The following KLRG1 variants were observed in gnomAD, a reference collection of about 807,000 sequenced individuals.
KLRG1 encodes the protein killer cell lectin-like receptor subfamily G member 1.
Under a neutral mutation model 21.8 loss-of-function variants are expected in KLRG1, and 16 were observed. The observed-to-expected ratio is 0.73, with a 90% CI of 0.50 to 1.11. KLRG1 has a LOEUF of 1.11. Among genes scored for constraint, KLRG1 ranks in the 50% most tolerant of loss-of-function variants. The probability of loss-of-function intolerance (pLI) is 0.00; values close to 1 mark genes in which losing one functional copy is unlikely to be tolerated. For missense variants in KLRG1, 173 were observed against 218.3 expected, an observed-to-expected ratio of 0.79 and a Z score of 1.31; for synonymous variants, 69 against 75.9, an observed-to-expected ratio of 0.91 and a Z score of 0.47.
chr12:9,203,598 C>G, the KLRG1 span, among the ~76,000 whole-genome samples: 1 of 152,212 alleles, frequency 6.6e-6, no homozygotes, highest in South Asian at 2.1e-4. Flanking sequence ...GCCTTGGCTT[C>G]CCAAAGTGCT....
the KLRG1 span, among the ~76,000 whole-genome samples, chr12:9,047,667 CTG>C: frequency 6.6e-6 from 1 of 151,944 alleles, no homozygotes; most frequent in Non-Finnish European, 1.5e-5. Context: ...AAAAAACTCA[CTG>C]TAAATATAAA....
chr12:9,095,056 G>T, the KLRG1 span: 1 of 1,592,894 alleles, frequency 6.3e-7, no homozygotes. Context: ...ACGAATCTTT[G>T]AGTTGGTGAA....
the KLRG1 span, chr12:9,106,668 C>A: frequency 2.4e-6 from 2 of 820,244 alleles, no homozygotes; most frequent in South Asian, 3.7e-5. Context: ...GATCAGTGGT[C>A]AGATAACCGG....
the KLRG1 span, among the ~76,000 whole-genome samples, chr12:9,144,177 G>C: frequency 6.6e-6 from 1 of 152,086 alleles, no homozygotes; most frequent in Non-Finnish European, 1.5e-5. Flanking sequence ...GAGAGAGAGA[G>C]AGAGAGAGAC....
chr12:9,132,939 A>G, the KLRG1 span, among the ~76,000 whole-genome samples: 1 of 152,226 alleles, frequency 6.6e-6, no homozygotes. Flanking sequence ...GCCTCTTTGA[A>G]TGAATGAAAA....
the KLRG1 span, among the ~76,000 whole-genome samples, chr12:9,030,098 T>C: frequency 1.3e-5 from 2 of 152,126 alleles, no homozygotes; most frequent in African/African-American, 4.8e-5. Context: ...CACATTTTGA[T>C]CTTTAATTAA....
chr12:9,112,962 G>C, the KLRG1 span, among the ~76,000 whole-genome samples: 1 of 152,114 alleles, frequency 6.6e-6, no homozygotes, highest in East Asian at 1.9e-4. Flanking sequence ...CCTTTGCTCA[G>C]GGTAATTTCT....
At chr12:9,003,929 C>T (rs1481318313) in intron 3 of KLRG1, among the ~76,000 whole-genome samples, 1 of 151,800 alleles carries the variant, frequency 6.6e-6, no homozygotes, top group Non-Finnish European at 1.5e-5. Context: ...GTTCAATTCC[C>T]ATCTATGAGT....
chr12:8,992,117 G>A (rs1805750), intron 1 of KLRG1, 89 bp from the exon 2 acceptor site: 38,540 of 1,063,422 alleles, frequency 0.036, 953 homozygotes, highest in African/African-American at 0.11. Flanking sequence ...AGGCCAAATT[G>A]CTTTAAGATG....
the KLRG1 span, chr12:9,160,112 G>T: frequency 2.3e-6 from 3 of 1,325,242 alleles, no homozygotes; most frequent in Non-Finnish European, 3.2e-6. Context: ...CAGGCGCCAT[G>T]GACATTTTAT....
chr12:9,093,672 A>G, the KLRG1 span: 1 of 717,070 alleles, frequency 1.4e-6, no homozygotes, highest in Non-Finnish European at 2.1e-6. Flanking sequence ...AAAAACAAAA[A>G]ACAAATCGTC....
At chr12:9,107,861 CT>C in the KLRG1 span, among the ~76,000 whole-genome samples, 5 of 151,782 alleles carry the variant, frequency 3.3e-5, no homozygotes, top group East Asian at 1.9e-4. Context: ...TTTATCATTT[CT>C]TTTTTTTCCT....
the KLRG1 span, chr12:9,192,296 A>G: frequency 1.3e-6 from 2 of 1,587,128 alleles, no homozygotes; most frequent in Non-Finnish European, 1.7e-6. Flanking sequence ...CTTGAGCTGG[A>G]CACAGTTCTC....
downstream of KLRG1, among the ~76,000 whole-genome samples, chr12:9,015,190 AAT>A (rs150807070): frequency 0.031 from 4,784 of 152,166 alleles, 140 homozygotes; most frequent in Non-Finnish European, 0.042. Flanking sequence ...AAGTGAACTA[AAT>A]TCTCCAATCA....
chr12:9,092,788 G>A, the KLRG1 span, among the ~76,000 whole-genome samples: 1 of 152,186 alleles, frequency 6.6e-6, no homozygotes, highest in African/African-American at 2.4e-5. Context: ...AATGAAATAA[G>A]CACCTTGTAG....
At chr12:9,132,019 A>G in the KLRG1 span, among the ~76,000 whole-genome samples, 2 of 152,152 alleles carry the variant, frequency 1.3e-5, no homozygotes, top group African/African-American at 4.8e-5. Context: ...TTGCTTTCTT[A>G]AAAAGAAGAG....
chr12:9,093,977 C>A, the KLRG1 span, among the ~76,000 whole-genome samples: 1 of 151,934 alleles, frequency 6.6e-6, no homozygotes, highest in Non-Finnish European at 1.5e-5. Context: ...TAAGCAGAGG[C>A]TATAGAGACT....
intron 3 of KLRG1, among the ~76,000 whole-genome samples, chr12:9,001,444 A>G (rs1006273879): frequency 6.6e-6 from 1 of 152,122 alleles, no homozygotes; most frequent in East Asian, 1.9e-4. Flanking sequence ...TTTCCCCTGC[A>G]GGCTCTACCC....
At chr12:9,031,663 T>A in the KLRG1 span, among the ~76,000 whole-genome samples, 1 of 152,378 alleles carries the variant, frequency 6.6e-6, no homozygotes, top group South Asian at 2.1e-4. Context: ...CCTGGGAACA[T>A]GTGCCCAAGG....
Sources: allele counts gnomAD v4.1 joint callset (sites outside exome capture counted in the v4.1 genomes callset), GRCh38; gene constraint gnomAD v4.1.1; transcripts MANE v1.5; gene names NCBI Gene and HGNC (gene_info 2026-07-23, HGNC 2026-07-21).